Variants in BMPR2 observed in about 807,000 individuals in gnomAD.
BMPR2 encodes bone morphogenetic protein receptor type-2.
Under a neutral mutation model 100.8 loss-of-function variants are expected in BMPR2, and 29 were observed. The ratio of observed to expected loss-of-function variants is 0.29; its 90% CI spans 0.21 to 0.39. The LOEUF is 0.39. Ranked by LOEUF, BMPR2 falls within the 10% of genes least tolerant of loss-of-function variation. The pLI, the probability that BMPR2 is intolerant of heterozygous loss-of-function variation, is 1.00. For missense variants in BMPR2, 1,011 were observed against 1,274.5 expected, an observed-to-expected ratio of 0.79 and a Z score of 3.15; for synonymous variants, 382 against 442.3, an observed-to-expected ratio of 0.86 and a Z score of 1.71.
intron 6 of BMPR2, among the ~76,000 whole-genome samples, chr2:202,519,285 C>T (rs577834038): frequency 2.0e-5 from 3 of 152,318 alleles, no homozygotes; most frequent in African/African-American, 7.2e-5. Context: ...ATTGCTTGAA[C>T]CCGGTAGGCG....
At chr2:202,414,366 T>C (rs1408517141) in intron 1 of BMPR2, among the ~76,000 whole-genome samples, 3 of 152,226 alleles carry the variant, frequency 2.0e-5, no homozygotes, top group Admixed American at 2.0e-4. Context: ...CCCCGTTTCC[T>C]GAGACACAAA....
chr2:202,437,845 A>G (rs779589484), intron 1 of BMPR2, among the ~76,000 whole-genome samples: 8 of 150,608 alleles, frequency 5.3e-5, no homozygotes, highest in Non-Finnish European at 1.0e-4. Context: ...GATATACTGC[A>G]TTTCCTTTAT....
intron 3 of BMPR2, among the ~76,000 whole-genome samples, chr2:202,488,366 A>G (rs1692824036): frequency 6.6e-6 from 1 of 152,160 alleles, no homozygotes; most frequent in Non-Finnish European, 1.5e-5. Flanking sequence ...TATATTCTTA[A>G]TATTTTAAAA....
At chr2:202,384,560 C>CT (rs60303842) in intron 1 of BMPR2, among the ~76,000 whole-genome samples, 68 of 5,162 alleles carry the variant, frequency 0.013, no homozygotes, top group African/African-American at 0.038. Flanking sequence ...TTCTTTCTTT[C>CT]TTTCTTTCTT....
chr2:202,404,979 T>C (rs1364332883), intron 1 of BMPR2, among the ~76,000 whole-genome samples: 1 of 152,070 alleles, frequency 6.6e-6, no homozygotes, highest in Non-Finnish European at 1.5e-5. Context: ...GTGTGCACCA[T>C]GTCCAGGTAC....
chr2:202,495,419 C>T lies in BMPR2; in HGVS notation c.419-18300C>T, dbSNP rs954104916. 3.3e-5 allele frequency among the ~76,000 whole-genome samples: 5 copies of T among 152,200 alleles called. No homozygotes were observed. The highest frequency in any genetic ancestry group is 2.1e-4 in the South Asian group (1 of 4,826). On this transcript the variant is annotated intron_variant, in intron 3 of 12. Transcript: ENST00000374580. This position sits in a 1 kb window ranked among gnomAD's most constrained non-coding sequence, Gnocchi z 4.5. The stretch of plus-strand genomic sequence containing the variant: ...GGCCTGCCGGCGTGCGGGTGCCTAT[C>T]GTTGTGCTCTTCTGCTGGCGTGCTC...
chr2:202,429,332 A>G (rs1263205925), intron 1 of BMPR2, among the ~76,000 whole-genome samples: 1 of 86,606 alleles, frequency 1.2e-5, no homozygotes, highest in Admixed American at 1.5e-4. Context: ...TCCTGCTTAC[A>G]TTTTCAGCAT....
At chr2:202,552,671 T>C in intron 10 of BMPR2, 45 bp from the exon 11 acceptor site, 1 of 1,608,514 alleles carries the variant, frequency 6.2e-7, no homozygotes, top group Admixed American at 1.7e-5. Flanking sequence ...TCAATACATT[T>C]TTTTTTTTAA....
chr2:202,398,389 T>G (rs1406670137), intron 1 of BMPR2, among the ~76,000 whole-genome samples: 1 of 152,246 alleles, frequency 6.6e-6, no homozygotes, highest in Non-Finnish European at 1.5e-5. Flanking sequence ...AACTGGCTTT[T>G]TTTTTAAAAA....
intron 3 of BMPR2, among the ~76,000 whole-genome samples, chr2:202,492,700 C>CAAAAAA (rs1166246933): frequency 9.5e-5 from 5 of 52,804 alleles, no homozygotes; most frequent in Admixed American, 2.8e-4. Context: ...AGCTCTGTCT[C>CAAAAAA]AAAAAAAAAA....
At chr2:202,552,276 C>T (rs1220100583) in intron 10 of BMPR2, among the ~76,000 whole-genome samples, 1 of 152,214 alleles carries the variant, frequency 6.6e-6, no homozygotes, top group Admixed American at 6.5e-5. Context: ...AGGCGTGAGC[C>T]ACTGCGCCCA....
rs752615120 is a variant in BMPR2 at position 202,552,888 on chromosome 2, G to T, written c.1586G>T (p.Arg529Leu). 3 of 1,613,972 alleles carry T rather than the reference G, an allele frequency of 1.9e-6. No individual in the cohort carries two copies. Among genetic ancestry groups the T allele is most frequent in the African/African-American group, 1.3e-5 (1 of 74,888 alleles). ...NPMSTAMQNE[R>L]NLSHNRRVPK... ...ATGTCTACTGCTATGCAGAATGAACGGTAAGACCCTAAGGGGTGTGGCATC... is the reference window on the plus strand; with the variant it reads ...ATGTCTACTGCTATGCAGAATGAACTGTAAGACCCTAAGGGGTGTGGCATC... The change falls in exon 11 of 13, where the codon CGC becomes CTC. Residue 529 changes from arginine (R) to leucine (L), a missense_variant and splice_region_variant. Physicochemically the swap from Arg to Leu is moderately radical, Grantham distance 102. This residue lies in a region of BMPR2 where 508 missense variants were observed against 552.0 expected (regional missense o/e 0.92). Transcript: ENST00000374580.
At chr2:202,558,406 C>T (rs1278260966) in intron 12 of BMPR2, among the ~76,000 whole-genome samples, 2 of 152,060 alleles carry the variant, frequency 1.3e-5, no homozygotes, top group Admixed American at 6.6e-5. Context: ...ACCACTGCGC[C>T]CAGCCTATTT....
chr2:202,384,245 T>C (rs1403915012), intron 1 of BMPR2, among the ~76,000 whole-genome samples: 2 of 152,220 alleles, frequency 1.3e-5, no homozygotes, highest in Admixed American at 6.5e-5. Flanking sequence ...TGCCCAACAC[T>C]GTACCTTAAC....
In BMPR2 at chr2:202,497,924, A is replaced by G. The variant is rs1007372524; in HGVS notation, c.419-15795A>G. On this transcript the variant is annotated intron_variant, in intron 3 of 12. Coordinates refer to ENST00000374580, the MANE Select transcript of BMPR2 (RefSeq NM_001204.7). Reference sequence around the variant, plus strand: ...TGCCCAAAGCCCTGTCACAGTGGGGACTACCTGGAATTTTAGGATCCCTCC... The same window carrying G: ...TGCCCAAAGCCCTGTCACAGTGGGGGCTACCTGGAATTTTAGGATCCCTCC... Among the ~76,000 whole-genome samples the G allele has an allele frequency of 3.3e-5, 5 of 152,190 alleles. No homozygotes were observed. The East Asian group carries it at 7.7e-4, about 23-fold the overall frequency.
intron 7 of BMPR2, among the ~76,000 whole-genome samples, chr2:202,522,422 G>A (rs552940301): frequency 7.9e-5 from 12 of 151,238 alleles, no homozygotes; most frequent in African/African-American, 2.2e-4. Flanking sequence ...CAGGAGAATC[G>A]TTTGAACCTG....
At chr2:202,493,152 G>T (rs1480977163) in intron 3 of BMPR2, among the ~76,000 whole-genome samples, 1 of 152,132 alleles carries the variant, frequency 6.6e-6, no homozygotes, top group African/African-American at 2.4e-5. Flanking sequence ...TGAATTTTCT[G>T]TATTGTGAAT....
rs1011775216 is a variant in BMPR2, at chr2:202,382,908, G to A, written c.76+5358G>A. Among the ~76,000 whole-genome samples the A allele has an allele frequency of 3.3e-5, 5 of 152,180 alleles. No homozygotes were observed. In the East Asian group the frequency reaches 7.7e-4, roughly 23 times the overall value. The stretch of plus-strand genomic sequence containing the variant: ...CTGAATCCAAATCTCTGGACAACGA[G>A]CCTGGGAATCTGCCTTTGATGCCCT... On this transcript the variant is annotated intron_variant, in intron 1 of 12. Transcript: ENST00000374580.
chr2:202,515,133 C>T (rs1006771561), intron 5 of BMPR2, among the ~76,000 whole-genome samples, 154 bp downstream of exon 5: 4 of 152,164 alleles, frequency 2.6e-5, no homozygotes, highest in African/African-American at 9.7e-5. Context: ...GCACTAGGAA[C>T]ATAGGTGAAC....
Sources: allele counts gnomAD v4.1 joint callset (sites outside exome capture counted in the v4.1 genomes callset), GRCh38; gene constraint gnomAD v4.1.1; regional missense constraint gnomAD v4.1.1; non-coding constraint Gnocchi (gnomAD v3.1); transcripts MANE v1.5; gene names NCBI Gene and HGNC (gene_info 2026-07-23, HGNC 2026-07-21).